Variants in PRKCE observed in about 807,000 individuals in gnomAD.
PRKCE encodes protein kinase C epsilon.
PRKCE carries 16 observed loss-of-function variants against 85.4 expected under a neutral mutation model. That is an observed-to-expected ratio of 0.19 (90% CI 0.13 to 0.28). PRKCE has a LOEUF of 0.28. Among genes scored for constraint, PRKCE ranks in the 10% least tolerant of loss-of-function variants. The pLI is 1.00. For synonymous variants in PRKCE, 388 were observed against 371.5 expected (o/e 1.04, Z -0.51); for missense variants, 573 against 975.2 (o/e 0.59, Z 5.49).
intron 10 of PRKCE, among the ~76,000 whole-genome samples, chr2:46,047,251 C>G (rs1049544936): frequency 5.9e-5 from 9 of 152,252 alleles, no homozygotes; most frequent in Middle Eastern, 3.4e-3. Flanking sequence ...CCTTGCTAAA[C>G]TCATTAGAAA....
chr2:45,714,856 T>C (rs1171763439), intron 1 of PRKCE, among the ~76,000 whole-genome samples: 2 of 152,246 alleles, frequency 1.3e-5, no homozygotes, highest in Non-Finnish European at 2.9e-5. Flanking sequence ...CCTGAGGCAT[T>C]GGCCACTGGC....
Position 46,041,829 on chromosome 2 carries a change from T to A in PRKCE, c.1437+31312T>A, listed in dbSNP as rs1708231518. On this transcript the variant is annotated intron_variant, in intron 10 of 14. Coordinates refer to ENST00000306156, the MANE Select transcript of PRKCE (RefSeq NM_005400.3). This position sits in a 1 kb window ranked among gnomAD's most constrained non-coding sequence, Gnocchi z 5.5. ...CTGTTCTGCACGGCCAACAATTTGA[T>A]GTTGAAAAAACCAGCCTCCATGTTA... Among the ~76,000 whole-genome samples, 1 of 152,250 alleles carries A rather than the reference T, an allele frequency of 6.6e-6. No individual in the cohort carries two copies. The highest frequency in any genetic ancestry group is 1.5e-5 in the Non-Finnish European group (1 of 68,038).
chr2:45,756,919 T>C (rs1409601535), intron 1 of PRKCE, among the ~76,000 whole-genome samples: 1 of 152,036 alleles, frequency 6.6e-6, no homozygotes, highest in Non-Finnish European at 1.5e-5. Context: ...TTCACAGGGG[T>C]ATATGTGTGT....
intron 11 of PRKCE, among the ~76,000 whole-genome samples, chr2:46,101,922 G>T (rs945253910): frequency 2.0e-5 from 3 of 150,064 alleles, no homozygotes; most frequent in Admixed American, 6.6e-5. Context: ...GATTTCTATG[G>T]TATAAATATT....
intron 1 of PRKCE, among the ~76,000 whole-genome samples, chr2:45,672,648 A>G (rs1172631629): frequency 6.6e-6 from 1 of 152,190 alleles, no homozygotes; most frequent in African/African-American, 2.4e-5. Context: ...GGGCTGATAA[A>G]ACCTGAAACT....
intron 1 of PRKCE, among the ~76,000 whole-genome samples, chr2:45,712,137 CTTTTTTT>C (rs34233761): frequency 6.6e-5 from 3 of 45,796 alleles, no homozygotes; most frequent in East Asian, 8.4e-4. Context: ...ACGGCCTGTC[CTTTTTTT>C]TTTTTTTTTT....
intron 1 of PRKCE, among the ~76,000 whole-genome samples, chr2:45,829,945 C>T (rs1158858116): frequency 5.9e-5 from 9 of 151,388 alleles, no homozygotes; most frequent in South Asian, 2.1e-4. Flanking sequence ...TGGTAGCGGG[C>T]GCCTGTAGTC....
chr2:45,748,559 AAATACCTAATGTCCCT>A (rs1683315299), intron 1 of PRKCE, among the ~76,000 whole-genome samples: 1 of 151,088 alleles, frequency 6.6e-6, no homozygotes, highest in Admixed American at 6.6e-5. Flanking sequence ...GGTATGACTC[AAATACCTAATGTCCCT>A]TTACCCAGCC....
chr2:45,917,478 CAG>C (rs1697889616), intron 2 of PRKCE, among the ~76,000 whole-genome samples: 1 of 150,058 alleles, frequency 6.7e-6, no homozygotes, highest in African/African-American at 2.5e-5. Context: ...GAGCTAGACA[CAG>C]GGTGCTGATT....
chr2:45,802,394 C>CT (rs950832521), intron 1 of PRKCE, among the ~76,000 whole-genome samples: 3 of 151,830 alleles, frequency 2.0e-5, no homozygotes, highest in Non-Finnish European at 2.9e-5. Context: ...ATATTGGTCC[C>CT]TTTTTTTTCT....
At chr2:45,860,878 C>T (rs894668149) in intron 2 of PRKCE, among the ~76,000 whole-genome samples, 2 of 152,196 alleles carry the variant, frequency 1.3e-5, no homozygotes, top group Non-Finnish European at 2.9e-5. Flanking sequence ...ATGCCAAAGC[C>T]ACTGAGCCCT....
chr2:46,048,535 C>T (rs546673262), intron 10 of PRKCE, among the ~76,000 whole-genome samples: 14 of 152,290 alleles, frequency 9.2e-5, no homozygotes, highest in African/African-American at 3.1e-4. Context: ...GCAAGGTGCT[C>T]GGGTCTTGTC....
intron 2 of PRKCE, among the ~76,000 whole-genome samples, chr2:45,869,189 T>C (rs1693876900): frequency 6.6e-6 from 1 of 152,230 alleles, no homozygotes; most frequent in Non-Finnish European, 1.5e-5. Context: ...GCTAAATACT[T>C]CAAATTTAAA....
chr2:45,967,916 G>C (rs1290477380), intron 2 of PRKCE, among the ~76,000 whole-genome samples: 1 of 152,172 alleles, frequency 6.6e-6, no homozygotes, highest in Non-Finnish European at 1.5e-5. Context: ...CATACTGGCA[G>C]AAAGGGGAGG....
intron 13 of PRKCE, among the ~76,000 whole-genome samples, chr2:46,157,041 T>C (rs3754566): frequency 0.86 from 130,313 of 152,248 alleles, 55,856 homozygotes; most frequent in East Asian, 0.97. Context: ...TTGCTTTTTC[T>C]ACTCAGTGAG....
intron 1 of PRKCE, among the ~76,000 whole-genome samples, chr2:45,768,298 C>A (rs569112838): frequency 2.0e-5 from 3 of 152,308 alleles, no homozygotes; most frequent in African/African-American, 4.8e-5. Flanking sequence ...TTGGCCTTAT[C>A]CTGGCCTGGC....
At position 45,843,072 on chromosome 2, in the gene PRKCE, G is replaced by C. The variant is rs772316440; in HGVS notation, c.412+9G>C. On this transcript the variant is annotated intron_variant, in intron 2 of 14. Transcript: ENST00000306156. ...AGGGTCGTCGGGTGAAGGTAGGAGA[G>C]CGTGACTTCTCATCCCTGTTTTCTT... The C allele has an allele frequency of 2.5e-6, 4 of 1,612,966 alleles. No homozygotes were observed. The highest frequency in any genetic ancestry group is 1.3e-5 in the African/African-American group (1 of 74,904).
intron 2 of PRKCE, among the ~76,000 whole-genome samples, chr2:45,848,347 G>C (rs1040053134): frequency 6.6e-6 from 1 of 151,072 alleles, no homozygotes; most frequent in African/African-American, 2.4e-5. Flanking sequence ...GTCTTGCTCT[G>C]TCGCCCAGGC....
At chr2:45,666,716 T>A (rs964005701) in intron 1 of PRKCE, among the ~76,000 whole-genome samples, 13 of 152,110 alleles carry the variant, frequency 8.5e-5, no homozygotes, top group African/African-American at 2.9e-4. Context: ...TGCCCAGTGT[T>A]GATGCTTTCT....
Sources: allele counts gnomAD v4.1 joint callset (sites outside exome capture counted in the v4.1 genomes callset), GRCh38; gene constraint gnomAD v4.1.1; non-coding constraint Gnocchi (gnomAD v3.1); transcripts MANE v1.5; gene names NCBI Gene and HGNC (gene_info 2026-07-23, HGNC 2026-07-21).